Variants in SGCZ observed in about 807,000 individuals in gnomAD.
SGCZ encodes the protein zeta-sarcoglycan.
A neutral mutation model predicts 41.3 loss-of-function variants in SGCZ; 40 were observed. The ratio of observed to expected loss-of-function variants is 0.97; its 90% CI spans 0.75 to 1.26. The LOEUF (loss-of-function observed/expected upper bound fraction) is 1.26. Ranked by LOEUF, SGCZ falls within the 50% of genes most tolerant of loss-of-function variation. SGCZ has a pLI of 0.00. For synonymous variants in SGCZ, 206 were observed against 137.5 expected, an observed-to-expected ratio of 1.50 and a Z score of -3.49; for missense variants, 552 against 369.8, an observed-to-expected ratio of 1.49 and a Z score of -4.04.
intron 1 of SGCZ, among the ~76,000 whole-genome samples, chr8:14,733,379 A>C (rs1465951112): frequency 1.3e-5 from 2 of 152,152 alleles, no homozygotes; most frequent in Non-Finnish European, 2.9e-5. Context: ...ACCCTAGTAC[A>C]TCCCCATATG....
intron 2 of SGCZ, among the ~76,000 whole-genome samples, chr8:14,443,448 G>T (rs1462839835): frequency 6.6e-6 from 1 of 151,988 alleles, no homozygotes; most frequent in East Asian, 1.9e-4. Flanking sequence ...GCATGGTACT[G>T]GTACCAAAAC....
chr8:14,203,861 C>A (rs961915929), intron 4 of SGCZ, among the ~76,000 whole-genome samples: 1 of 151,812 alleles, frequency 6.6e-6, no homozygotes, highest in Non-Finnish European at 1.5e-5. Context: ...TGTAAGAGAC[C>A]TGTAAGAATT....
At chr8:14,392,025 A>T (rs1426348100) in intron 2 of SGCZ, among the ~76,000 whole-genome samples, 1 of 152,180 alleles carries the variant, frequency 6.6e-6, no homozygotes, top group Non-Finnish European at 1.5e-5. Flanking sequence ...ACAATGTGAC[A>T]TGAGATTTGA....
At chr8:15,186,322 T>TAGTCCAAA (rs71211014) in intron 1 of SGCZ, among the ~76,000 whole-genome samples, 72,484 of 141,036 alleles carry the variant, frequency 0.51, 19,633 homozygotes, top group Non-Finnish European at 0.59. Flanking sequence ...TCGCATGTAG[T>TAGTCCAAA]AGTCCAAAGA....
chr8:14,275,008 T>C (rs1393484231), intron 3 of SGCZ, among the ~76,000 whole-genome samples: 1 of 152,174 alleles, frequency 6.6e-6, no homozygotes, highest in Middle Eastern at 3.2e-3. Flanking sequence ...ATATTATTCA[T>C]TCGATATTCA....
rs1028077041 is a variant in SGCZ, at chr8:14,433,170, T to C, written c.235-108966A>G. 4.6e-5 allele frequency among the ~76,000 whole-genome samples: 7 copies of C among 152,178 alleles called. 1 individual carries two copies. The highest frequency in any genetic ancestry group is 4.6e-4 in the Admixed American group (7 of 15,276). On this transcript the variant is annotated intron_variant, in intron 2 of 7. Transcript: ENST00000382080. ...TACAATTAGTATGCAACAAAAATATTAACATTTTATTGGGAAATGCTACCT... is the reference window on the plus strand; with the variant it reads ...TACAATTAGTATGCAACAAAAATATCAACATTTTATTGGGAAATGCTACCT...
chr8:14,832,990 C>A (rs1001949886), intron 1 of SGCZ, among the ~76,000 whole-genome samples: 1 of 151,850 alleles, frequency 6.6e-6, no homozygotes, highest in Non-Finnish European at 1.5e-5. Flanking sequence ...ATAGTTTGAT[C>A]ATTCCTTTTA....
rs1252567865 is a variant in SGCZ, at chr8:14,479,736, T to C, written c.234+74996A>G. On this transcript the variant is annotated intron_variant, in intron 2 of 7. Coordinates refer to ENST00000382080, the MANE Select transcript of SGCZ (RefSeq NM_139167.4). ...ATACCTCCAGAATTCTACTTCTTTT[T>C]TTTTTTTTTTTTTTTTTTTTTTTTT... Among the ~76,000 whole-genome samples, 4 of 16,714 alleles carry C rather than the reference T, an allele frequency of 2.4e-4. 2 individuals carry two copies. The highest frequency in any genetic ancestry group is 3.4e-3 in the East Asian group (2 of 590). 11.0% of individuals were successfully genotyped at this position (16,714 alleles called of 152,430 possible).
At chr8:14,768,218 A>C (rs1800106909) in intron 1 of SGCZ, among the ~76,000 whole-genome samples, 1 of 152,202 alleles carries the variant, frequency 6.6e-6, no homozygotes, top group African/African-American at 2.4e-5. Flanking sequence ...AAATCCTTTA[A>C]CATATAGTCT....
intron 3 of SGCZ, among the ~76,000 whole-genome samples, chr8:14,310,005 T>C (rs970009522): frequency 1.3e-5 from 2 of 152,008 alleles, no homozygotes; most frequent in African/African-American, 4.8e-5. Flanking sequence ...TCCACAATAG[T>C]CAAAAAAAAA....
At chr8:14,156,476 C>G (rs1413234894) in intron 5 of SGCZ, among the ~76,000 whole-genome samples, 4 of 151,832 alleles carry the variant, frequency 2.6e-5, no homozygotes, top group Non-Finnish European at 5.9e-5. Context: ...AAAACAAAAA[C>G]AAAAACAAAA....
chr8:14,338,155 C>A (rs746844216), intron 2 of SGCZ, among the ~76,000 whole-genome samples: 1 of 152,120 alleles, frequency 6.6e-6, no homozygotes, highest in East Asian at 1.9e-4. Flanking sequence ...AGCTATTGAC[C>A]TTCTTAGCAA....
chr8:14,309,995 T>C (rs1022874749), intron 3 of SGCZ, among the ~76,000 whole-genome samples: 11 of 152,132 alleles, frequency 7.2e-5, no homozygotes, highest in Non-Finnish European at 1.3e-4. Context: ...ATTTTACCCA[T>C]CCACAATAGT....
chr8:14,756,791 A>T (rs907226209), intron 1 of SGCZ, among the ~76,000 whole-genome samples: 1 of 152,210 alleles, frequency 6.6e-6, no homozygotes, highest in African/African-American at 2.4e-5. Flanking sequence ...ACAAACATTG[A>T]GGAGATATAT....
At chr8:14,937,884 A>G (rs1800135212) in intron 1 of SGCZ, among the ~76,000 whole-genome samples, 1 of 152,160 alleles carries the variant, frequency 6.6e-6, no homozygotes, top group Non-Finnish European at 1.5e-5. Context: ...TTAAAAATTC[A>G]TGATGAATGA....
chr8:14,621,855 C>T (rs1014397399), intron 1 of SGCZ, among the ~76,000 whole-genome samples: 2 of 152,060 alleles, frequency 1.3e-5, no homozygotes, highest in African/African-American at 4.8e-5. Context: ...ATCATATAGA[C>T]TTCTGTCTAT....
At chr8:14,937,337 G>A (rs1201492518) in intron 1 of SGCZ, among the ~76,000 whole-genome samples, 1 of 151,930 alleles carries the variant, frequency 6.6e-6, no homozygotes, top group Non-Finnish European at 1.5e-5. Flanking sequence ...GTGAATAGAT[G>A]GGAAAACTGA....
In SGCZ at chr8:14,414,191, C is replaced by T. The variant is rs570622922; in HGVS notation, c.235-89987G>A. Among the ~76,000 whole-genome samples, 29 of 151,956 alleles carry T rather than the reference C, an allele frequency of 1.9e-4. No individual in the cohort carries two copies. In the East Asian group the frequency reaches 4.6e-3, roughly 24 times the overall value. ...ACACAGAAATGAACGCACACACTCG[C>T]GCACACACACACACATACAGACACG... On this transcript the variant is annotated intron_variant, in intron 2 of 7. Coordinates refer to ENST00000382080, the MANE Select transcript of SGCZ (RefSeq NM_139167.4).
At chr8:14,430,686 T>C (rs1462339936) in intron 2 of SGCZ, among the ~76,000 whole-genome samples, 2 of 152,130 alleles carry the variant, frequency 1.3e-5, no homozygotes, top group African/African-American at 4.8e-5. Context: ...TACTTGAAGT[T>C]CTAGTCAGAG....
Sources: gnomAD v4.1 joint callset for allele counts (sites outside exome capture counted in the v4.1 genomes callset) on GRCh38, gnomAD v4.1.1 for gene constraint, MANE v1.5 for transcripts, NCBI Gene and HGNC (gene_info 2026-07-23, HGNC 2026-07-21) for gene names.